Variants in LMAN1 observed in about 807,000 individuals in gnomAD.
LMAN1 encodes the protein protein ERGIC-53.
A neutral mutation model predicts 67.8 loss-of-function variants in LMAN1; 32 were observed. That is an observed-to-expected ratio of 0.47 (90% CI 0.36 to 0.63). The LOEUF is 0.63. LMAN1 is among the 30% of genes least tolerant of loss of function. The pLI, the probability that LMAN1 is intolerant of heterozygous loss-of-function variation, is 0.00. For missense variants in LMAN1, 632 were observed against 628.2 expected, an observed-to-expected ratio of 1.01 and a Z score of -0.06; for synonymous variants, 235 against 219.3, an observed-to-expected ratio of 1.07 and a Z score of -0.63.
chr18:59,352,647 C>T (rs917511136), intron 5 of LMAN1: 42 of 168,198 alleles, frequency 2.5e-4, no homozygotes, highest in Admixed American at 1.2e-3. Flanking sequence ...ACACCCTCTT[C>T]CCCCAACTCC....
intron 6 of LMAN1, among the ~76,000 whole-genome samples, chr18:59,348,421 T>C (rs543304165): frequency 1.3e-5 from 2 of 152,344 alleles, no homozygotes; most frequent in African/African-American, 2.4e-5. Context: ...TTACCATCAA[T>C]TGGCCATACG....
At chr18:59,356,915 C>A (rs190442270) in intron 1 of LMAN1, among the ~76,000 whole-genome samples, 1 of 152,100 alleles carries the variant, frequency 6.6e-6, no homozygotes, top group Admixed American at 6.5e-5. Flanking sequence ...GCCCTTATGG[C>A]CTTAAGTGTA....
chr18:59,356,710 A>G (rs1908667655), intron 1 of LMAN1, among the ~76,000 whole-genome samples: 1 of 152,234 alleles, frequency 6.6e-6, no homozygotes, highest in Admixed American at 6.5e-5. Context: ...ACACAGAATC[A>G]GAAGACCTAG....
At chr18:59,334,669 G>T (rs532833557) in intron 10 of LMAN1, among the ~76,000 whole-genome samples, 5 of 152,254 alleles carry the variant, frequency 3.3e-5, no homozygotes, top group Admixed American at 3.3e-4. Context: ...ATCTTAAAAG[G>T]GAAGTTTTGA....
chr18:59,331,099 G>A lies in LMAN1; in HGVS notation c.1527C>T (p.Phe509=), dbSNP rs1010921896. 1.9e-6 allele frequency: 3 copies of A among 1,610,870 alleles called. No individual in the cohort carries two copies. Among genetic ancestry groups the A allele is most frequent in the Non-Finnish European group, 2.5e-6 (3 of 1,177,706 alleles). The change falls in exon 13 of 13, where the codon TTC becomes TTT. Residue 509 remains phenylalanine (F), a synonymous_variant. Coordinates refer to ENST00000251047, the MANE Select transcript of LMAN1 (RefSeq NM_005570.4). ...GTACACAGGAAAATGGTAGTCAAAA[G>A]AATTTTTTGGCAGCTGCTTCTTGCT... The part of the protein sequence containing the change: ...RSQQEAAAKK[F]F
chr18:59,347,303 A>C (rs1908434032), intron 7 of LMAN1, among the ~76,000 whole-genome samples: 1 of 134,132 alleles, frequency 7.5e-6, no homozygotes. Flanking sequence ...CCTGGGAGAC[A>C]GAGCGAGACT....
intron 10 of LMAN1, among the ~76,000 whole-genome samples, chr18:59,334,036 A>G (rs1908088230): frequency 6.6e-6 from 1 of 152,202 alleles, no homozygotes; most frequent in South Asian, 2.1e-4. Context: ...TCAATGGCAC[A>G]TATGCTCAAG....
intron 3 of LMAN1, among the ~76,000 whole-genome samples, chr18:59,354,970 T>TCTAA (rs1908626743): frequency 6.6e-6 from 1 of 152,212 alleles, no homozygotes; most frequent in Non-Finnish European, 1.5e-5. Context: ...GATGTGCTTA[T>TCTAA]GTAAGTGTTT....
intron 11 of LMAN1, 42 bp from the exon 12 acceptor site, chr18:59,331,581 C>T: frequency 6.2e-7 from 1 of 1,605,278 alleles, no homozygotes; most frequent in Non-Finnish European, 8.5e-7. Context: ...GTCAAAATAG[C>T]AGTTTGGAAA....
chr18:59,355,576 C>T lies in LMAN1; in HGVS notation c.297G>A (p.Ala99=), dbSNP rs771647014. The T allele has an allele frequency of 1.6e-5, 26 of 1,614,064 alleles. No individual in the cohort carries two copies. The highest frequency in any genetic ancestry group is 7.7e-5 in the South Asian group (7 of 91,076). The change falls in exon 2 of 13, where the codon GCG becomes GCA. Residue 99 remains alanine (A), a synonymous_variant. Transcript: ENST00000251047. ...QRGSVWTKTK[A]AFENWEVEVT... is the part of the protein sequence containing the mutation. Reference sequence around the variant, plus strand: ...CCTCAACTTCCCAGTTCTCAAAGGCCGCTTTTGTCTTTGTCCACACTGAGC... The same window carrying T: ...CCTCAACTTCCCAGTTCTCAAAGGCTGCTTTTGTCTTTGTCCACACTGAGC...
chr18:59,345,951 T>A lies in LMAN1; in HGVS notation c.923A>T (p.Gln308Leu). Reference protein sequence around the residue: ...QELDKKKEEFQKGHPDLQGQP... With the variant: ...QELDKKKEEFLKGHPDLQGQP... The stretch of plus-strand genomic sequence containing the variant: ...CCCTTGGAGGTCGGGGTGGCCCTTC[T>A]GGAATTCCTCTTTTTTTTTATCCAA... The change falls in exon 8 of 13, where the codon CAG becomes CTG. Residue 308 changes from glutamine (Q) to leucine (L), a missense_variant. Coordinates refer to ENST00000251047, the MANE Select transcript of LMAN1 (RefSeq NM_005570.4). 6.2e-7 allele frequency: 1 copy of A among 1,614,004 alleles called. No individual in the cohort carries two copies. The highest frequency in any genetic ancestry group is 1.7e-5 in the Admixed American group (1 of 60,006).
intron 7 of LMAN1, among the ~76,000 whole-genome samples, 167 bp downstream of exon 7, chr18:59,347,320 CAAAAAAAAAAAAAAAAAAAAAAAAAA>C (rs58932497): frequency 5.7e-5 from 4 of 70,350 alleles, no homozygotes; most frequent in African/African-American, 2.3e-4. Context: ...GACTCCGTCT[CAAAAAAAAAAAAAAAAAAAAAAAAAA>C]AAAAAAAAAA....
chr18:59,336,506 C>A (rs1247683322), intron 10 of LMAN1, among the ~76,000 whole-genome samples: 2 of 152,074 alleles, frequency 1.3e-5, no homozygotes, highest in African/African-American at 4.8e-5. Context: ...AAATAAATAA[C>A]TAAATAAATA....
At chr18:59,334,864 C>A (rs1908106396) in intron 10 of LMAN1, among the ~76,000 whole-genome samples, 2 of 151,792 alleles carry the variant, frequency 1.3e-5, no homozygotes, top group South Asian at 2.1e-4. Flanking sequence ...AAGCTAAATC[C>A]TAAAGAAAAA....
At chr18:59,355,768 A>G (rs543265462) in intron 1 of LMAN1, 110 bp from the exon 2 acceptor site, 1 of 1,223,840 alleles carries the variant, frequency 8.2e-7, no homozygotes, top group South Asian at 1.3e-5. Context: ...CTGTACAATA[A>G]TGATTTGGAA....
At chr18:59,348,815 C>A (rs548116115) in intron 6 of LMAN1, among the ~76,000 whole-genome samples, 14 of 152,312 alleles carry the variant, frequency 9.2e-5, no homozygotes, top group African/African-American at 3.4e-4. Context: ...AGCCTTTAAG[C>A]CTGCTGACTT....
At chr18:59,355,872 A>T (rs948199421) in intron 1 of LMAN1, among the ~76,000 whole-genome samples, 3 of 152,196 alleles carry the variant, frequency 2.0e-5, no homozygotes, top group African/African-American at 4.8e-5. Flanking sequence ...ATACACTAAA[A>T]ATTACAGGGA....
chr18:59,340,052 C>T (rs553546746), intron 8 of LMAN1, among the ~76,000 whole-genome samples: 9 of 152,292 alleles, frequency 5.9e-5, no homozygotes, highest in Admixed American at 6.5e-5. Context: ...GAGCAGACTG[C>T]ACTCCTTACA....
chr18:59,352,965 T>C, intron 5 of LMAN1: 1 of 458,964 alleles, frequency 2.2e-6, no homozygotes, highest in South Asian at 2.0e-5. Context: ...CTCTCACATG[T>C]GCTATACAGT....
Sources: gnomAD v4.1 joint callset for allele counts (sites outside exome capture counted in the v4.1 genomes callset) on GRCh38, gnomAD v4.1.1 for gene constraint, MANE v1.5 for transcripts, NCBI Gene and HGNC (gene_info 2026-07-23, HGNC 2026-07-21) for gene names.